The following LRRIQ3 variants were observed in gnomAD, a reference collection of about 807,000 sequenced individuals.
LRRIQ3 encodes the protein leucine rich repeats and IQ motif containing 3.
LRRIQ3 carries 75 observed loss-of-function variants against 59.3 expected under a neutral mutation model. That is an observed-to-expected ratio of 1.26 (90% CI 1.05 to 1.53). The LOEUF is 1.53. Ranked by LOEUF, LRRIQ3 falls within the 40% of genes most tolerant of loss-of-function variation. The probability of loss-of-function intolerance (pLI) is 0.00; values close to 1 mark genes in which losing one functional copy is unlikely to be tolerated. For synonymous variants in LRRIQ3, 250 were observed against 231.3 expected (o/e 1.08, Z -0.73); for missense variants, 831 against 710.0 (o/e 1.17, Z -1.94).
intron 6 of LRRIQ3, among the ~76,000 whole-genome samples, chr1:74,054,839 GTGTATATA>G (rs1162620456): frequency 6.8e-6 from 1 of 146,268 alleles, no homozygotes; most frequent in African/African-American, 2.5e-5. Context: ...TTTAATGCAT[GTGTATATA>G]TGTATATATT....
chr1:74,031,728 T>A (rs1653725050), intron 7 of LRRIQ3, among the ~76,000 whole-genome samples: 1 of 152,080 alleles, frequency 6.6e-6, no homozygotes, highest in South Asian at 2.1e-4. Flanking sequence ...AACCTGCACG[T>A]TGTGCACATG....
chr1:74,116,003 G>C (rs561534516), intron 4 of LRRIQ3, among the ~76,000 whole-genome samples: 11 of 151,714 alleles, frequency 7.3e-5, no homozygotes, highest in African/African-American at 2.7e-4. Flanking sequence ...TATAAATGAG[G>C]ACATTATTCA....
intron 4 of LRRIQ3, among the ~76,000 whole-genome samples, chr1:74,134,495 CAA>C (rs1647086968): frequency 6.6e-6 from 1 of 151,800 alleles, no homozygotes; most frequent in South Asian, 2.1e-4. Flanking sequence ...ACGTTAATTT[CAA>C]AGAGTCTATA....
At chr1:74,192,022 G>T (rs997845775) in intron 1 of LRRIQ3, among the ~76,000 whole-genome samples, 1 of 151,930 alleles carries the variant, frequency 6.6e-6, no homozygotes, top group Non-Finnish European at 1.5e-5. Flanking sequence ...AGTCCATAAA[G>T]ATCTATAGTC....
At chr1:74,095,291 A>G (rs1448448850) in intron 5 of LRRIQ3, among the ~76,000 whole-genome samples, 1 of 152,106 alleles carries the variant, frequency 6.6e-6, no homozygotes, top group East Asian at 1.9e-4. Context: ...TGCACTGTCT[A>G]TCTCTTGATT....
intron 4 of LRRIQ3, among the ~76,000 whole-genome samples, chr1:74,126,839 T>C (rs1405509144): frequency 6.6e-6 from 1 of 151,968 alleles, no homozygotes; most frequent in Non-Finnish European, 1.5e-5. Context: ...CTGGATGAAA[T>C]GCTCTGTAAA....
intron 4 of LRRIQ3, chr1:74,138,491 T>C (rs972822881): frequency 3.0e-6 from 3 of 984,724 alleles, no homozygotes; most frequent in Admixed American, 1.2e-4. Context: ...CAGCTAGGCA[T>C]GTCAAGTTGA....
At chr1:74,141,234 T>G (rs1479889009) in intron 4 of LRRIQ3, among the ~76,000 whole-genome samples, 2 of 151,864 alleles carry the variant, frequency 1.3e-5, no homozygotes, top group African/African-American at 4.8e-5. Context: ...AAGATATTCT[T>G]GTTGTCTATT....
intron 1 of LRRIQ3, among the ~76,000 whole-genome samples, chr1:74,187,817 T>G (rs141586265): frequency 0.011 from 1,692 of 152,286 alleles, 36 homozygotes; most frequent in African/African-American, 0.039. Flanking sequence ...TATACATTGT[T>G]GGTGGGAGTG....
At chr1:74,121,291 C>A (rs900024536) in intron 4 of LRRIQ3, among the ~76,000 whole-genome samples, 4 of 152,072 alleles carry the variant, frequency 2.6e-5, no homozygotes, top group African/African-American at 7.2e-5. Context: ...TAAGTGCCAT[C>A]CAACTTTTCC....
At chr1:74,049,594 G>T (rs986822660) in intron 6 of LRRIQ3, among the ~76,000 whole-genome samples, 1 of 152,146 alleles carries the variant, frequency 6.6e-6, no homozygotes, top group African/African-American at 2.4e-5. Flanking sequence ...TGAGAAACCA[G>T]GTGAATGGTG....
chr1:74,066,218 C>A lies in LRRIQ3; in HGVS notation c.997+8443G>T, dbSNP rs113520714. 4.5e-3 allele frequency among the ~76,000 whole-genome samples: 678 copies of A among 150,298 alleles called. 3 individuals are homozygous for A. Among genetic ancestry groups the A allele is most frequent in the Non-Finnish European group, 7.2e-3 (486 of 67,644 alleles). ...AAAAAAAAAAAAGTAAAAATGTACCCATACCTTAATATTTTCTATTTTGTC... is the reference window on the plus strand; with the variant it reads ...AAAAAAAAAAAAGTAAAAATGTACCAATACCTTAATATTTTCTATTTTGTC... On this transcript the variant is annotated intron_variant, in intron 6 of 7. Coordinates refer to ENST00000354431, the MANE Select transcript of LRRIQ3 (RefSeq NM_001105659.2).
chr1:74,082,390 G>A (rs1646283215), intron 5 of LRRIQ3: 1 of 151,418 alleles, frequency 6.6e-6, no homozygotes, highest in Admixed American at 6.6e-5. Context: ...AGTAATATGA[G>A]TTTACACTGC....
At chr1:74,089,722 G>A (rs2100514015) in intron 5 of LRRIQ3, among the ~76,000 whole-genome samples, 1 of 152,048 alleles carries the variant, frequency 6.6e-6, no homozygotes, top group South Asian at 2.1e-4. Flanking sequence ...TTCTTCTGGG[G>A]AATAATGAAA....
chr1:74,066,300 T>G (rs1196002263), intron 6 of LRRIQ3, among the ~76,000 whole-genome samples: 1 of 152,102 alleles, frequency 6.6e-6, no homozygotes, highest in Non-Finnish European at 1.5e-5. Context: ...CAAGATAGCC[T>G]GTATATTACA....
intron 4 of LRRIQ3, among the ~76,000 whole-genome samples, chr1:74,118,683 A>T (rs542314216): frequency 6.6e-6 from 1 of 152,186 alleles, no homozygotes; most frequent in Non-Finnish European, 1.5e-5. Context: ...GTAGAAAAAA[A>T]ATATAGAGAT....
chr1:74,032,616 AG>A (rs1359840746), intron 7 of LRRIQ3, among the ~76,000 whole-genome samples: 2 of 152,112 alleles, frequency 1.3e-5, no homozygotes, highest in Admixed American at 1.3e-4. Flanking sequence ...TGTATTTGAA[AG>A]GCTCATGTGA....
intron 4 of LRRIQ3, among the ~76,000 whole-genome samples, chr1:74,154,104 G>A (rs1370311036): frequency 2.0e-5 from 3 of 151,788 alleles, no homozygotes; most frequent in Non-Finnish European, 4.4e-5. Flanking sequence ...AGCCGGGCGT[G>A]GCGGCGGGTG....
intron 4 of LRRIQ3, among the ~76,000 whole-genome samples, chr1:74,126,733 T>A (rs1040351377): frequency 2.0e-5 from 3 of 151,986 alleles, no homozygotes; most frequent in African/African-American, 7.2e-5. Context: ...ATTTCAATTA[T>A]TAAAAAAATT....
Sources: gnomAD v4.1 joint callset for allele counts (sites outside exome capture counted in the v4.1 genomes callset) on GRCh38, gnomAD v4.1.1 for gene constraint, MANE v1.5 for transcripts, NCBI Gene and HGNC (gene_info 2026-07-23, HGNC 2026-07-21) for gene names.